The following MGAT4C variants were observed in gnomAD, a reference collection of about 807,000 sequenced individuals.
MGAT4C encodes the protein MGAT4 family member C, also known as alpha-1,3-mannosyl-glycoprotein 4-beta-N-acetylglucosaminyltransferase C.
A neutral mutation model predicts 40.1 loss-of-function variants in MGAT4C; 19 were observed. That is an observed-to-expected ratio of 0.47 (90% CI 0.33 to 0.70). The LOEUF is 0.70. Ranked by LOEUF, MGAT4C falls within the 30% of genes least tolerant of loss-of-function variation. The pLI, the probability that MGAT4C is intolerant of heterozygous loss-of-function variation, is 0.02. For missense variants in MGAT4C, 491 were observed against 563.2 expected (o/e 0.87, Z 1.30); for synonymous variants, 181 against 187.1 (o/e 0.97, Z 0.27).
At chr12:86,069,904 T>G (rs1238354127) in intron 1 of MGAT4C, among the ~76,000 whole-genome samples, 2 of 152,092 alleles carry the variant, frequency 1.3e-5, no homozygotes, top group Non-Finnish European at 2.9e-5. Context: ...ATAATCAAGT[T>G]TTTCTACACA....
At chr12:86,196,180 C>T (rs1949793275) in intron 1 of MGAT4C, among the ~76,000 whole-genome samples, 1 of 152,164 alleles carries the variant, frequency 6.6e-6, no homozygotes, top group African/African-American at 2.4e-5. Context: ...TAGAAAGCAC[C>T]TTATTGCTGT....
At chr12:86,701,430 T>C (rs964811740) in intron 2 of MGAT4C, among the ~76,000 whole-genome samples, 4 of 152,154 alleles carry the variant, frequency 2.6e-5, no homozygotes, top group African/African-American at 9.7e-5. Context: ...CGATGTTATT[T>C]TTGTAATCGT....
At chr12:86,835,424 G>A (rs1403121329) in intron 1 of MGAT4C, among the ~76,000 whole-genome samples, 1 of 151,764 alleles carries the variant, frequency 6.6e-6, no homozygotes, top group Non-Finnish European at 1.5e-5. Flanking sequence ...TATTTGCTTT[G>A]TTCCTTGAGG....
At chr12:86,495,953 A>G (rs181565480) in intron 2 of MGAT4C, among the ~76,000 whole-genome samples, 2 of 151,846 alleles carry the variant, frequency 1.3e-5, no homozygotes, top group African/African-American at 4.8e-5. Flanking sequence ...CTGTTTTCCT[A>G]CATGTAGCTA....
chr12:86,476,146 A>G (rs910752454), intron 2 of MGAT4C, among the ~76,000 whole-genome samples: 5 of 152,154 alleles, frequency 3.3e-5, no homozygotes, highest in African/African-American at 9.6e-5. Context: ...TTCTTTATAC[A>G]TTACGTAAAA....
At chr12:86,161,890 T>G (rs1316030164) in intron 1 of MGAT4C, among the ~76,000 whole-genome samples, 1 of 151,998 alleles carries the variant, frequency 6.6e-6, no homozygotes, top group Admixed American at 6.6e-5. Flanking sequence ...AACAAACGCA[T>G]GAAAAAATGC....
chr12:86,320,757 T>A (rs1954365147), intron 4 of MGAT4C, among the ~76,000 whole-genome samples: 1 of 152,158 alleles, frequency 6.6e-6, no homozygotes, highest in Non-Finnish European at 1.5e-5. Context: ...TGGGTTATGA[T>A]TTATCTGTCA....
rs141242077 is a variant in MGAT4C at position 86,631,793 on chromosome 12, A to G, written c.-229+95416T>C. ...AGACTTAAATGTTAGACCTAAAACT[A>G]TAAAAACCCTAGAAGAAAACTTAGG... On this transcript the variant is annotated intron_variant, in intron 2 of 7. Coordinates refer to the MGAT4C transcript ENST00000548651. Among the ~76,000 whole-genome samples, 35 of 152,256 alleles carry G rather than the reference A, an allele frequency of 2.3e-4. 2 individuals carry two copies. Among genetic ancestry groups the G allele is most frequent in the African/African-American group, 7.7e-4 (32 of 41,490 alleles).
intron 2 of MGAT4C, among the ~76,000 whole-genome samples, chr12:86,031,967 C>T (rs573040596): frequency 7.9e-5 from 12 of 151,904 alleles, no homozygotes; most frequent in African/African-American, 2.9e-4. Flanking sequence ...TTATCTGTGT[C>T]CATATGTGCT....
At chr12:86,250,284 T>A (rs143953821) in intron 1 of MGAT4C, among the ~76,000 whole-genome samples, 4 of 151,378 alleles carry the variant, frequency 2.6e-5, no homozygotes, top group African/African-American at 9.7e-5. Flanking sequence ...ACATGTTAGA[T>A]GCTTCATTAA....
intron 2 of MGAT4C, among the ~76,000 whole-genome samples, chr12:86,498,305 T>G (rs1480305362): frequency 6.6e-6 from 1 of 151,622 alleles, no homozygotes; most frequent in East Asian, 1.9e-4. Context: ...TTGAACTATG[T>G]AGGTTCACTT....
At chr12:86,237,132 A>G (rs1037656748) in intron 1 of MGAT4C, among the ~76,000 whole-genome samples, 1 of 151,156 alleles carries the variant, frequency 6.6e-6, no homozygotes, top group Non-Finnish European at 1.5e-5. Flanking sequence ...GGATATAGAA[A>G]ACACACACAC....
At chr12:86,006,052 T>C (rs1887839764) in intron 2 of MGAT4C, among the ~76,000 whole-genome samples, 1 of 152,110 alleles carries the variant, frequency 6.6e-6, no homozygotes, top group African/African-American at 2.4e-5. Context: ...CTGCCCTTTT[T>C]TCAAAACTCT....
At chr12:86,288,248 CT>C (rs1267311976) in intron 4 of MGAT4C, among the ~76,000 whole-genome samples, 7 of 151,792 alleles carry the variant, frequency 4.6e-5, no homozygotes, top group African/African-American at 1.7e-4. Flanking sequence ...GGATATTAGC[CT>C]TTTGTCAGAT....
At chr12:86,705,021 C>T (rs1035850894) in intron 2 of MGAT4C, among the ~76,000 whole-genome samples, 3 of 152,074 alleles carry the variant, frequency 2.0e-5, no homozygotes, top group Middle Eastern at 3.4e-3. Context: ...TTATCCGGGC[C>T]CCACCTATCA....
chr12:86,413,784 T>C (rs1197900352), intron 3 of MGAT4C, among the ~76,000 whole-genome samples: 1 of 152,152 alleles, frequency 6.6e-6, no homozygotes, highest in Non-Finnish European at 1.5e-5. Context: ...GCGGTTTTAT[T>C]TTGCCATCTT....
chr12:86,799,289 T>G (rs982631104), intron 1 of MGAT4C, among the ~76,000 whole-genome samples: 1 of 151,790 alleles, frequency 6.6e-6, no homozygotes, highest in African/African-American at 2.4e-5. Context: ...TCTTAATTAG[T>G]TAAGGCATAA....
rs567769293 is a variant in MGAT4C at position 85,959,128 on chromosome 12, C to G, written c.*20161G>C. ...CCAAACTTTATTTTACCTTCAAGTTCTACCTGATAAAGTGGTGGAATAAAG... is the reference window on the plus strand; with the variant it reads ...CCAAACTTTATTTTACCTTCAAGTTGTACCTGATAAAGTGGTGGAATAAAG... On this transcript the variant is annotated 3_prime_UTR_variant, in exon 5 of 5. Transcript: ENST00000611864. 17 of 151,918 alleles carry G rather than the reference C, an allele frequency of 1.1e-4. No homozygotes were observed. The highest frequency in any genetic ancestry group is 2.2e-4 in the Non-Finnish European group (15 of 67,946). 9.4% of individuals were successfully genotyped at this position (151,918 alleles called of 1,614,324 possible).
chr12:86,764,364 C>A (rs1951462385), intron 1 of MGAT4C, among the ~76,000 whole-genome samples: 1 of 152,156 alleles, frequency 6.6e-6, no homozygotes, highest in African/African-American at 2.4e-5. Flanking sequence ...AGCTGGGAAG[C>A]TCGAACTGGG....
Sources: gnomAD v4.1 joint callset for allele counts (sites outside exome capture counted in the v4.1 genomes callset) on GRCh38, gnomAD v4.1.1 for gene constraint, MANE v1.5 for transcripts, NCBI Gene and HGNC (gene_info 2026-07-23, HGNC 2026-07-21) for gene names.